TNFRSF10B: variants seen among roughly 807,000 people sequenced by gnomAD.
The protein encoded by TNFRSF10B is TNF receptor superfamily member 10b.
Under a neutral mutation model 41.4 loss-of-function variants are expected in TNFRSF10B, and 35 were observed. That is an observed-to-expected ratio of 0.85 (90% CI 0.65 to 1.12). The LOEUF (loss-of-function observed/expected upper bound fraction) is 1.12, where lower values mean the gene tolerates loss of function less well. Among genes scored for constraint, TNFRSF10B ranks in the 50% most tolerant of loss-of-function variants. TNFRSF10B has a pLI of 0.00. For missense variants in TNFRSF10B, 584 were observed against 552.7 expected (o/e 1.06, Z -0.57); for synonymous variants, 230 against 215.5 (o/e 1.07, Z -0.59).
intron 1 of TNFRSF10B, among the ~76,000 whole-genome samples, chr8:23,059,014 C>T (rs183612366): frequency 3.9e-5 from 6 of 152,278 alleles, no homozygotes; most frequent in Admixed American, 3.9e-4. Context: ...TCCCATTCTT[C>T]CCTCCTTACA....
At chr8:23,054,218 T>C (rs1401449651) in intron 1 of TNFRSF10B, among the ~76,000 whole-genome samples, 1 of 152,182 alleles carries the variant, frequency 6.6e-6, no homozygotes, top group Non-Finnish European at 1.5e-5. Context: ...AGTTAAAATG[T>C]TCATTAATAT....
Position 23,030,811 on chromosome 8 carries a change from G to A in TNFRSF10B, c.312C>T (p.Ser104=). 1 of 1,613,218 alleles carries A rather than the reference G, an allele frequency of 6.2e-7. No homozygotes were observed. The highest frequency in any genetic ancestry group is 8.5e-7 in the Non-Finnish European group (1 of 1,179,634). The change falls in exon 3 of 9, where the codon AGC becomes AGT. Residue 104 remains serine, a synonymous_variant. Coordinates refer to ENST00000276431, the MANE Select transcript of TNFRSF10B (RefSeq NM_003842.5). ...AGAAAAGGAGGTCATTCCAGTGAGT[G>A]CTATAGTCCTGTCCATATTTGCAGG... The part of the protein sequence containing the change: ...CISCKYGQDY[S]THWNDLLFCL...
chr8:23,026,199 A>G (rs1811697409), intron 7 of TNFRSF10B, among the ~76,000 whole-genome samples: 1 of 152,264 alleles, frequency 6.6e-6, no homozygotes, highest in Non-Finnish European at 1.5e-5. Context: ...AGGAAGAAAC[A>G]GAAACAGTCT....
At chr8:23,024,284 C>A (rs756208244) in intron 7 of TNFRSF10B, 24 bp from the exon 8 acceptor site, 1 of 1,613,838 alleles carries the variant, frequency 6.2e-7, no homozygotes, top group Non-Finnish European at 8.5e-7. Flanking sequence ...TGGGGAATGT[C>A]CTGGTCAGAG....
At position 23,028,417 on chromosome 8, in the gene TNFRSF10B, G is replaced by C; in HGVS notation, c.662C>G (p.Ala221Gly). The change falls in exon 5 of 9, where the codon GCA becomes GGA. Residue 221 changes from alanine to glycine, a missense_variant. Physicochemically the swap from Ala to Gly is moderately conservative, Grantham distance 60. Transcript: ENST00000276431. ...LSGIIIGVTV[A>G]AVVLIVAVFV... The stretch of plus-strand genomic sequence containing the variant: ...CACAGCCACAATCAAGACTACGGCT[G>C]CAACTGTGACTCCTATGATGATGCC... 6.2e-7 allele frequency: 1 copy of C among 1,614,216 alleles called. No homozygotes were observed. Among genetic ancestry groups the C allele is most frequent in the Non-Finnish European group, 8.5e-7 (1 of 1,180,032 alleles).
At chr8:23,029,060 C>T (rs370841776) in intron 4 of TNFRSF10B, among the ~76,000 whole-genome samples, 2 of 152,148 alleles carry the variant, frequency 1.3e-5, no homozygotes, top group South Asian at 2.1e-4. Flanking sequence ...TTACTCTTGG[C>T]CCCTAAAACC....
chr8:23,052,285 C>CTT (rs35496059), intron 1 of TNFRSF10B, among the ~76,000 whole-genome samples: 1,568 of 129,488 alleles, frequency 0.012, 31 homozygotes, highest in Non-Finnish European at 0.017. Context: ...TAAAGGGTAA[C>CTT]TTTTTTTTTT....
In TNFRSF10B at chr8:23,027,933, G is replaced by T; in HGVS notation, c.749-180C>A. 5.8e-6 allele frequency: 4 copies of T among 689,546 alleles called. No individual in the cohort carries two copies. The South Asian group carries it at 7.0e-5, about 12-fold the overall frequency. The allele number at this position is 689,546 out of a possible 1,614,324, so 42.7% of individuals were successfully genotyped here. On this transcript the variant is annotated intron_variant, in intron 5 of 8. Coordinates refer to ENST00000276431, the MANE Select transcript of TNFRSF10B (RefSeq NM_003842.5). ...ACCCTGAGGAAGGGGGATGAGAAGG[G>T]GAACTAGAGTAAAAACAAACACTTG...
intron 2 of TNFRSF10B, among the ~76,000 whole-genome samples, chr8:23,034,685 C>CAG (rs1274114152): frequency 6.6e-6 from 1 of 152,218 alleles, no homozygotes; most frequent in African/African-American, 2.4e-5. Flanking sequence ...ATGATTGTGC[C>CAG]ACTGCACTCC....
intron 1 of TNFRSF10B, among the ~76,000 whole-genome samples, chr8:23,062,346 G>A (rs995085962): frequency 6.6e-6 from 1 of 151,930 alleles, no homozygotes; most frequent in Non-Finnish European, 1.5e-5. Context: ...TCAGCCTCCC[G>A]AGTAACTGGG....
chr8:23,026,824 T>C (rs1287746665), intron 7 of TNFRSF10B, among the ~76,000 whole-genome samples: 1 of 152,234 alleles, frequency 6.6e-6, no homozygotes, highest in East Asian at 1.9e-4. Context: ...TGACTTCTGT[T>C]AGGAGCATAC....
At chr8:23,063,531 C>T (rs1812894279) in intron 1 of TNFRSF10B, among the ~76,000 whole-genome samples, 1 of 152,114 alleles carries the variant, frequency 6.6e-6, no homozygotes, top group Non-Finnish European at 1.5e-5. Flanking sequence ...TTGGTAATGA[C>T]CTCACCCAAG....
At chr8:23,052,854 A>G (rs981771056) in intron 1 of TNFRSF10B, among the ~76,000 whole-genome samples, 1 of 152,244 alleles carries the variant, frequency 6.6e-6, no homozygotes, top group African/African-American at 2.4e-5. Flanking sequence ...AATTCTAGAT[A>G]CGGCCTGGGG....
chr8:23,059,710 C>T (rs941146934), intron 1 of TNFRSF10B, among the ~76,000 whole-genome samples: 1 of 152,036 alleles, frequency 6.6e-6, no homozygotes, highest in African/African-American at 2.4e-5. Flanking sequence ...GACGGGGTCT[C>T]ACCATGTTAG....
chr8:23,026,627 A>G (rs1406902831), intron 7 of TNFRSF10B, among the ~76,000 whole-genome samples: 1 of 152,226 alleles, frequency 6.6e-6, no homozygotes. Flanking sequence ...CTGCCTACTC[A>G]ATATCACATC....
intron 2 of TNFRSF10B, among the ~76,000 whole-genome samples, chr8:23,033,993 C>T (rs1285191762): frequency 6.6e-6 from 1 of 152,184 alleles, no homozygotes; most frequent in Non-Finnish European, 1.5e-5. Context: ...TTTGGGGACA[C>T]AATTCAGTCT....
intron 1 of TNFRSF10B, among the ~76,000 whole-genome samples, chr8:23,065,942 A>C (rs1812968128): frequency 6.6e-6 from 1 of 152,210 alleles, no homozygotes; most frequent in South Asian, 2.1e-4. Context: ...AAAGCTTACA[A>C]ATATACTCAA....
intron 1 of TNFRSF10B, among the ~76,000 whole-genome samples, chr8:23,058,006 G>A (rs1241089470): frequency 6.6e-6 from 1 of 152,162 alleles, no homozygotes; most frequent in Non-Finnish European, 1.5e-5. Context: ...CAGCACTTGG[G>A]GAGGCCGAGG....
rs138211776 is a variant in TNFRSF10B at position 23,020,683 on chromosome 8, T to C, written c.*1988A>G. 1.3e-5 allele frequency: 6 copies of C among 453,730 alleles called. No individual in the cohort carries two copies. Among genetic ancestry groups the C allele is most frequent in the African/African-American group, 8.0e-5 (4 of 49,980 alleles). 28.1% of individuals were successfully genotyped at this position (453,730 alleles called of 1,614,324 possible). ...CTCCAGCCTGGGCGAGAGAGTGAGA[T>C]TCTGTCTCAAAAAAATTAAAAATAA... On this transcript the variant is annotated 3_prime_UTR_variant, in exon 9 of 9. Coordinates refer to ENST00000276431, the MANE Select transcript of TNFRSF10B (RefSeq NM_003842.5).
Sources: allele counts gnomAD v4.1 joint callset (sites outside exome capture counted in the v4.1 genomes callset), GRCh38; gene constraint gnomAD v4.1.1; transcripts MANE v1.5; gene names NCBI Gene and HGNC (gene_info 2026-07-23, HGNC 2026-07-21).